Variants in NFIB observed in about 807,000 individuals in gnomAD.
NFIB encodes nuclear factor 1 B-type.
In NFIB, 11 loss-of-function variants were observed where a neutral mutation model predicts 61.5. That is an observed-to-expected ratio of 0.18 (90% CI 0.11 to 0.30). NFIB has a LOEUF of 0.30. Among genes scored for constraint, NFIB ranks in the 10% least tolerant of loss-of-function variants. The probability of loss-of-function intolerance (pLI) is 1.00; values close to 1 mark genes in which losing one functional copy is unlikely to be tolerated. For synonymous variants in NFIB, 260 were observed against 216.5 expected (o/e 1.20, Z -1.76); for missense variants, 471 against 608.9 (o/e 0.77, Z 2.38).
chr9:14,168,736 G>C lies in NFIB; in HGVS notation c.616+10991C>G, dbSNP rs114440956. ...TGATTAAAATGATCTAGGTGAGCTA[G>C]TTAAAGAGGCAAAGTGTAAAGGTTT... On this transcript the variant is annotated intron_variant, in intron 3 of 10. Coordinates refer to ENST00000380953, the MANE Select transcript of NFIB (RefSeq NM_001190737.2). 6.7e-3 allele frequency among the ~76,000 whole-genome samples: 1,017 copies of C among 152,316 alleles called. 12 individuals are homozygous for C. The highest frequency in any genetic ancestry group is 0.023 in the African/African-American group (941 of 41,554).
the NFIB span, among the ~76,000 whole-genome samples, chr9:14,443,324 A>G: frequency 4.6e-5 from 7 of 152,168 alleles, no homozygotes; most frequent in East Asian, 1.4e-3. Context: ...CAATGCCTTC[A>G]TCTGAAGCTT....
chr9:14,326,597 G>A (rs1017341451), intron 1 of NFIB, among the ~76,000 whole-genome samples: 3 of 151,670 alleles, frequency 2.0e-5, no homozygotes, highest in South Asian at 2.1e-4. Flanking sequence ...ACCAACCCCC[G>A]GCTATGGCCT....
At chr9:14,379,119 G>C (rs1307233546) in intron 1 of NFIB, among the ~76,000 whole-genome samples, 1 of 152,174 alleles carries the variant, frequency 6.6e-6, no homozygotes, top group African/African-American at 2.4e-5. Flanking sequence ...TCACCTCTCA[G>C]CATATCTTAC....
chr9:14,218,437 C>T (rs2051210567), intron 2 of NFIB, among the ~76,000 whole-genome samples: 1 of 152,094 alleles, frequency 6.6e-6, no homozygotes, highest in African/African-American at 2.4e-5. Context: ...GCCAACACAG[C>T]TTTTATCAGG....
At chr9:14,196,295 T>G (rs1452519367) in intron 2 of NFIB, among the ~76,000 whole-genome samples, 1 of 152,124 alleles carries the variant, frequency 6.6e-6, no homozygotes, top group Non-Finnish European at 1.5e-5. Context: ...TGAAAAAATA[T>G]GAACCCACTC....
At chr9:14,217,198 G>C (rs1049803861) in intron 2 of NFIB, among the ~76,000 whole-genome samples, 3 of 151,976 alleles carry the variant, frequency 2.0e-5, no homozygotes, top group Admixed American at 1.3e-4. Flanking sequence ...CTTTTTCCCA[G>C]GTTACAGCTT....
chr9:14,325,389 T>A (rs894065286), intron 1 of NFIB, among the ~76,000 whole-genome samples: 8 of 152,180 alleles, frequency 5.3e-5, no homozygotes, highest in African/African-American at 1.9e-4. Flanking sequence ...CTAAAGCCAA[T>A]TAACTGGTAA....
chr9:14,505,705 G>C, the NFIB span, among the ~76,000 whole-genome samples: 1 of 152,128 alleles, frequency 6.6e-6, no homozygotes, highest in Non-Finnish European at 1.5e-5. Context: ...GGATTGGGGA[G>C]GGGGAACAGA....
At chr9:14,512,933 GAA>G in the NFIB span, among the ~76,000 whole-genome samples, 4 of 128,682 alleles carry the variant, frequency 3.1e-5, no homozygotes, top group Non-Finnish European at 3.2e-5. Flanking sequence ...CAAAGCTTTT[GAA>G]AAAAAAAAAA....
intron 1 of NFIB, among the ~76,000 whole-genome samples, chr9:14,391,459 C>T (rs1202779162): frequency 3.2e-5 from 2 of 62,196 alleles, no homozygotes; most frequent in African/African-American, 1.3e-4. Context: ...GGCAGTCTCC[C>T]AATAGATAGG....
At chr9:14,382,930 T>C (rs1042723843) in intron 1 of NFIB, among the ~76,000 whole-genome samples, 1 of 152,182 alleles carries the variant, frequency 6.6e-6, no homozygotes, top group African/African-American at 2.4e-5. Flanking sequence ...ATGTCTTGAA[T>C]ATTGAGTTTC....
chr9:14,102,531 G>A, intron 10 of NFIB: 2 of 1,546,080 alleles, frequency 1.3e-6, no homozygotes, highest in South Asian at 1.2e-5. Context: ...AAACCTAGCA[G>A]TCAGATATGG....
intron 1 of NFIB, among the ~76,000 whole-genome samples, chr9:14,327,439 C>T (rs1226482410): frequency 1.3e-5 from 2 of 152,114 alleles, no homozygotes; most frequent in African/African-American, 2.4e-5. Context: ...GTAGGTGCAG[C>T]CCAGGGAGTA....
the NFIB span, among the ~76,000 whole-genome samples, chr9:14,479,940 C>T: frequency 6.6e-6 from 1 of 151,446 alleles, no homozygotes; most frequent in Admixed American, 6.6e-5. Context: ...ACTGAAAATC[C>T]CTGGTTGGAA....
intron 2 of NFIB, among the ~76,000 whole-genome samples, chr9:14,270,579 C>CAAAAAA: frequency 1.8e-5 from 1 of 54,406 alleles, no homozygotes; most frequent in Non-Finnish European, 3.2e-5. Flanking sequence ...CCTTAGATCA[C>CAAAAAA]AAAAAAAAAA....
At chr9:14,175,519 C>A (rs2046092309) in intron 3 of NFIB, among the ~76,000 whole-genome samples, 1 of 152,118 alleles carries the variant, frequency 6.6e-6, no homozygotes, top group African/African-American at 2.4e-5. Flanking sequence ...ACATAGCTAT[C>A]ATTAATAGAT....
the NFIB span, among the ~76,000 whole-genome samples, chr9:14,508,539 C>T: frequency 7.2e-5 from 11 of 152,282 alleles, no homozygotes; most frequent in South Asian, 4.1e-4. Flanking sequence ...TCTTAGAGGG[C>T]GAGAATTATA....
At chr9:14,346,980 C>G (rs56278142) in intron 1 of NFIB, among the ~76,000 whole-genome samples, 4 of 151,874 alleles carry the variant, frequency 2.6e-5, no homozygotes, top group Non-Finnish European at 4.4e-5. Context: ...AGCCTCACAA[C>G]AGGACCTAGG....
the NFIB span, among the ~76,000 whole-genome samples, chr9:14,460,065 A>G: frequency 1.3e-5 from 2 of 152,182 alleles, no homozygotes; most frequent in Non-Finnish European, 2.9e-5. Context: ...AGACACATGC[A>G]CACGTATGTT....
Sources: gnomAD v4.1 joint callset for allele counts (sites outside exome capture counted in the v4.1 genomes callset) on GRCh38, gnomAD v4.1.1 for gene constraint, MANE v1.5 for transcripts, NCBI Gene and HGNC (gene_info 2026-07-23, HGNC 2026-07-21) for gene names.